The following FANCB variants were observed in gnomAD, a reference collection of about 807,000 sequenced individuals.
The protein encoded by FANCB is Fanconi anemia group B protein.
Under a neutral mutation model 38.9 loss-of-function variants are expected in FANCB, and 5 were observed. The ratio of observed to expected loss-of-function variants is 0.13; its 90% CI spans 0.07 to 0.27. The LOEUF is 0.27. Ranked by LOEUF, FANCB falls within the 10% of genes least tolerant of loss-of-function variation. The pLI, the probability that FANCB is intolerant of heterozygous loss-of-function variation, is 1.00. For missense variants in FANCB, 573 were observed against 602.7 expected, an observed-to-expected ratio of 0.95 and a Z score of 0.52; for synonymous variants, 236 against 215.4, an observed-to-expected ratio of 1.10 and a Z score of -0.84.
intron 3 of FANCB, among the ~76,000 whole-genome samples, chrX:14,863,820 T>C (rs1184111590): frequency 1.4e-5 from 1 of 69,906 alleles, no homozygotes; most frequent in African/African-American, 4.7e-5. Flanking sequence ...AACAAGTAAA[T>C]TTAAATAGAT....
chrX:14,766,959 C>G, the FANCB span, among the ~76,000 whole-genome samples: 1 of 111,746 alleles, frequency 8.9e-6, no homozygotes, highest in Non-Finnish European at 1.9e-5. Context: ...GATTTCTGTT[C>G]CTGCATTAGT....
At chrX:14,789,817 A>G in the FANCB span, among the ~76,000 whole-genome samples, 1 of 112,144 alleles carries the variant, frequency 8.9e-6, no homozygotes, top group African/African-American at 3.2e-5. Context: ...AGGGTCAATC[A>G]TTAGTCTGGT....
the FANCB span, among the ~76,000 whole-genome samples, chrX:14,806,254 G>A: frequency 8.9e-6 from 1 of 112,069 alleles, no homozygotes; most frequent in East Asian, 2.8e-4. Context: ...GCTGTGGCCT[G>A]AGAAGAGAGA....
chrX:14,810,716 A>G, the FANCB span, among the ~76,000 whole-genome samples: 2 of 112,119 alleles, frequency 1.8e-5, no homozygotes, highest in South Asian at 7.4e-4. Context: ...TGACAGGGAG[A>G]ATGGAACCAA....
chrX:14,761,207 T>C, the FANCB span, among the ~76,000 whole-genome samples: 2 of 111,478 alleles, frequency 1.8e-5, no homozygotes, highest in Non-Finnish European at 3.8e-5. Flanking sequence ...CTTACCATGT[T>C]GCCCAGGCTG....
At chrX:14,791,501 C>T in the FANCB span, among the ~76,000 whole-genome samples, 1 of 111,800 alleles carries the variant, frequency 8.9e-6, no homozygotes, top group African/African-American at 3.3e-5. Flanking sequence ...GTAAGTCACT[C>T]CGTTTGTGGT....
At chrX:14,872,213 T>TA (rs1247414187) in intron 1 of FANCB, among the ~76,000 whole-genome samples, 3 of 111,564 alleles carry the variant, frequency 2.7e-5, no homozygotes, top group Non-Finnish European at 5.7e-5. Flanking sequence ...TTTTTTCCCA[T>TA]AAAAAATGTA....
At position 14,845,060 on chromosome X, in the gene FANCB, C is replaced by T; in HGVS notation, c.1723G>A (p.Val575Ile). ...GATGTTACAGCAGTAATTATCTGTA[C>T]ACACTCTTTCTTAGATGGGTGTTCA... ...VCEHPSKKEC[V>I]QIITAVTSLS... The change falls in exon 8 of 10, where the codon GTA (valine) becomes ATA (isoleucine). Residue 575 changes from valine to isoleucine, a missense_variant. Coordinates refer to ENST00000650831, the MANE Select transcript of FANCB (RefSeq NM_001018113.3). 3 of 1,207,260 alleles carry T rather than the reference C, an allele frequency of 2.5e-6. No homozygotes were observed. Among genetic ancestry groups the T allele is most frequent in the Non-Finnish European group, 3.4e-6 (3 of 891,376 alleles).
the FANCB span, among the ~76,000 whole-genome samples, chrX:14,724,987 G>A: frequency 7.2e-5 from 8 of 111,595 alleles, no homozygotes; most frequent in East Asian, 2.8e-4. Context: ...GGGCAAAAAC[G>A]TACACAAATC....
intron 3 of FANCB, among the ~76,000 whole-genome samples, chrX:14,860,329 CACTTGTG>C (rs1231791962): frequency 1.2e-4 from 13 of 112,199 alleles, no homozygotes; most frequent in African/African-American, 3.9e-4. Flanking sequence ...GTTGATTCTT[CACTTGTG>C]CAGAGAGACA....
At chrX:14,802,195 T>G in the FANCB span, among the ~76,000 whole-genome samples, 12 of 111,268 alleles carry the variant, frequency 1.1e-4, no homozygotes, top group Non-Finnish European at 1.7e-4. Flanking sequence ...AAAAGACAAC[T>G]AGGAGTTTGC....
In FANCB at chrX:14,850,483, TATC is replaced by T; in HGVS notation, c.1496+19_1496+21del. ...CTGTTCTGGAGCATCAAGACAGTGT[TATC>T]ATGTTGGAATTTACTTACAGCTTCA... On this transcript the variant is annotated intron_variant, in intron 7 of 9. Coordinates refer to ENST00000650831, the MANE Select transcript of FANCB (RefSeq NM_001018113.3). 1.7e-6 allele frequency: 2 copies of T among 1,158,915 alleles called. No homozygotes were observed. The highest frequency in any genetic ancestry group is 5.9e-5 in the East Asian group (2 of 33,636).
downstream of FANCB, chrX:14,843,320 C>T: frequency 3.0e-6 from 1 of 329,793 alleles, no homozygotes; most frequent in Non-Finnish European, 5.2e-6. Context: ...CCTGACCCCA[C>T]AACTTCTGAC....
chrX:14,707,189 AAG>A, the FANCB span, among the ~76,000 whole-genome samples: 1 of 111,588 alleles, frequency 9.0e-6, no homozygotes, highest in Non-Finnish European at 1.9e-5. Flanking sequence ...ACATGCAAAA[AAG>A]AATATGAGAG....
the FANCB span, among the ~76,000 whole-genome samples, chrX:14,793,760 T>C: frequency 8.9e-6 from 1 of 111,959 alleles, no homozygotes; most frequent in Non-Finnish European, 1.9e-5. Context: ...GAGTGTGATT[T>C]TTCTTTTTTA....
chrX:14,750,082 G>A, the FANCB span, among the ~76,000 whole-genome samples: 1 of 111,952 alleles, frequency 8.9e-6, no homozygotes, highest in African/African-American at 3.2e-5. Context: ...GGCTGAAGAC[G>A]ATTCACAAAG....
the FANCB span, among the ~76,000 whole-genome samples, chrX:14,752,106 T>G: frequency 9.0e-6 from 1 of 111,563 alleles, no homozygotes; most frequent in Non-Finnish European, 1.9e-5. Context: ...TTTGTAAGGG[T>G]AGGGAGTCAT....
At chrX:14,751,707 G>T in the FANCB span, among the ~76,000 whole-genome samples, 1 of 111,737 alleles carries the variant, frequency 8.9e-6, no homozygotes, top group Non-Finnish European at 1.9e-5. Context: ...GGGATAAAAG[G>T]GTAAAAGGAG....
intron 3 of FANCB, among the ~76,000 whole-genome samples, chrX:14,859,726 G>A (rs1236002241): frequency 9.0e-6 from 1 of 111,511 alleles, no homozygotes; most frequent in Non-Finnish European, 1.9e-5. Context: ...CTAATTTAAG[G>A]ATGACCTTCA....
Sources: gnomAD v4.1 joint callset for allele counts (sites outside exome capture counted in the v4.1 genomes callset) on GRCh38, gnomAD v4.1.1 for gene constraint, MANE v1.5 for transcripts, NCBI Gene and HGNC (gene_info 2026-07-23, HGNC 2026-07-21) for gene names.